The following TMIGD1 variants were observed in gnomAD, a reference collection of about 807,000 sequenced individuals.
TMIGD1 encodes the protein transmembrane and immunoglobulin domain-containing protein 1.
In TMIGD1, 29 loss-of-function variants were observed where a neutral mutation model predicts 27.5. The ratio of observed to expected loss-of-function variants is 1.05; its 90% CI spans 0.78 to 1.44. The LOEUF is 1.44. TMIGD1 is among the 40% of genes most tolerant of loss of function. The probability of loss-of-function intolerance (pLI) is 0.00; values close to 1 mark genes in which losing one functional copy is unlikely to be tolerated. For synonymous variants in TMIGD1, 109 were observed against 110.3 expected, an observed-to-expected ratio of 0.99 and a Z score of 0.07; for missense variants, 334 against 310.6, an observed-to-expected ratio of 1.08 and a Z score of -0.57.
At chr17:30,319,035 A>G in intron 4 of TMIGD1, 122 bp from the exon 5 acceptor site, 1 of 706,388 alleles carries the variant, frequency 1.4e-6, no homozygotes, top group Non-Finnish European at 2.5e-6. Flanking sequence ...CAACAATCTC[A>G]AAAAGTAGGT....
rs1237804442 is a variant in TMIGD1 at position 30,321,461 on chromosome 17, T to C, written c.641-2548A>G. The stretch of plus-strand genomic sequence containing the variant: ...AGGCATTTAAAGGAAATTGAGCATG[T>C]GCTATTTATCGCACAATTGAGTTTA... On this transcript the variant is annotated intron_variant, in intron 4 of 6. Transcript: ENST00000328886. Among the ~76,000 whole-genome samples the C allele has an allele frequency of 2.0e-5, 3 of 152,360 alleles. No homozygotes were observed. The Middle Eastern group carries it at 0.01, about 518-fold the overall frequency.
At position 30,317,172 on chromosome 17, in the gene TMIGD1, G is replaced by A. The variant is rs750837434; in HGVS notation, c.785+21C>T. On this transcript the variant is annotated intron_variant, in intron 6 of 6. Coordinates refer to ENST00000328886, the MANE Select transcript of TMIGD1 (RefSeq NM_206832.3). Reference sequence around the variant, plus strand: ...TCATCTGCTTATTTAAAAAGCACTGGTCCCGGCCTAGAGTACTTACAGAGC... The same window carrying A: ...TCATCTGCTTATTTAAAAAGCACTGATCCCGGCCTAGAGTACTTACAGAGC... 6.2e-6 allele frequency: 10 copies of A among 1,613,486 alleles called. No homozygotes were observed. The East Asian group carries it at 2.0e-4, about 32-fold the overall frequency.
intron 4 of TMIGD1, among the ~76,000 whole-genome samples, chr17:30,321,783 G>A (rs553130381): frequency 3.9e-5 from 6 of 152,108 alleles, no homozygotes; most frequent in Non-Finnish European, 8.8e-5. Context: ...ATGAAATAGG[G>A]TTTATCTCCC....
intron 5 of TMIGD1, among the ~76,000 whole-genome samples, chr17:30,318,545 T>G (rs1005765812): frequency 6.6e-6 from 1 of 152,162 alleles, no homozygotes; most frequent in Admixed American, 6.5e-5. Flanking sequence ...AGGAGGAAAA[T>G]CAGCCCCCAA....
chr17:30,329,921 AT>A (rs1413280786), intron 2 of TMIGD1, among the ~76,000 whole-genome samples: 2 of 123,410 alleles, frequency 1.6e-5, no homozygotes, highest in Non-Finnish European at 3.6e-5. Flanking sequence ...AAATAAAAAA[AT>A]AAAAAAAAAA....
chr17:30,324,159 A>C (rs1437012396), intron 4 of TMIGD1, among the ~76,000 whole-genome samples: 1 of 152,184 alleles, frequency 6.6e-6, no homozygotes. Context: ...TGCTAGCATG[A>C]GAGCAGACCA....
chr17:30,326,536 C>A (rs780529788), intron 3 of TMIGD1, among the ~76,000 whole-genome samples: 1 of 152,084 alleles, frequency 6.6e-6, no homozygotes, highest in Non-Finnish European at 1.5e-5. Flanking sequence ...CAGTAACTTG[C>A]ATGTTTTTGA....
At chr17:30,333,965 C>G (rs932863521) in intron 1 of TMIGD1, 35 bp downstream of exon 1, 6 of 152,390 alleles carry the variant, frequency 3.9e-5, no homozygotes, top group Non-Finnish European at 8.8e-5. Flanking sequence ...CTGTATGACT[C>G]TCTACTTTCT....
intron 3 of TMIGD1, among the ~76,000 whole-genome samples, chr17:30,327,742 AT>A (rs5819893): frequency 3.9e-4 from 57 of 146,262 alleles, no homozygotes; most frequent in Non-Finnish European, 4.4e-4. Context: ...AACACACCTT[AT>A]TTTTTTTTTT....
Position 30,329,234 on chromosome 17 carries a change from C to A in TMIGD1, c.361+17G>T, listed in dbSNP as rs1555601658. The A allele has an allele frequency of 1.9e-6, 3 of 1,609,296 alleles. No homozygotes were observed. The highest frequency in any genetic ancestry group is 2.2e-5 in the South Asian group (2 of 90,888). On this transcript the variant is annotated intron_variant, in intron 3 of 6. Coordinates refer to ENST00000328886, the MANE Select transcript of TMIGD1 (RefSeq NM_206832.3). ...GACATTACAGACCCACTAGCTGTTTCTTTTCCCCTCACTCACAAGTAACAT... is the reference window on the plus strand; with the variant it reads ...GACATTACAGACCCACTAGCTGTTTATTTTCCCCTCACTCACAAGTAACAT...
In TMIGD1 at chr17:30,316,530, G is replaced by A. The variant is rs776623386; in HGVS notation, c.*157C>T. ...CTCTTTCCATAAAAATGTTCCACAAGTGTATCAAATTAGTCCTAACAACTA... is the reference window on the plus strand; with the variant it reads ...CTCTTTCCATAAAAATGTTCCACAAATGTATCAAATTAGTCCTAACAACTA... On this transcript the variant is annotated 3_prime_UTR_variant, in exon 7 of 7. Coordinates refer to ENST00000328886, the MANE Select transcript of TMIGD1 (RefSeq NM_206832.3). 1.2e-5 allele frequency: 8 copies of A among 662,634 alleles called. No homozygotes were observed. The highest frequency in any genetic ancestry group is 2.2e-5 in the South Asian group (1 of 45,968). The allele number at this position is 662,634 out of a possible 1,614,324, so 41.0% of individuals were successfully genotyped here.
At chr17:30,331,929 C>T in intron 2 of TMIGD1, 123 bp downstream of exon 2, 1 of 667,012 alleles carries the variant, frequency 1.5e-6, no homozygotes, top group South Asian at 1.9e-5. Context: ...GTACTGTGAG[C>T]CATGCTAACT....
Position 30,318,907 on chromosome 17 carries a change from G to A in TMIGD1, c.647C>T (p.Thr216Ile). 3 of 1,609,936 alleles carry A rather than the reference G, an allele frequency of 1.9e-6. No homozygotes were observed. Among genetic ancestry groups the A allele is most frequent in the Non-Finnish European group, 2.6e-6 (3 of 1,176,314 alleles). The change falls in exon 5 of 7, where the codon ACT becomes ATT. Residue 216 changes from threonine (T) to isoleucine (I), a missense_variant. Transcript: ENST00000328886. Reference protein sequence around the residue: ...LDFHLIVKDKTVGVPIEPIIA... With the variant: ...LDFHLIVKDKIVGVPIEPIIA... ...AATGGGCTCTATTGGTACACCCACA[G>A]TTTTATCTGTAGGAAATGCAAACAC...
intron 3 of TMIGD1, among the ~76,000 whole-genome samples, chr17:30,326,117 C>G (rs902869752): frequency 1.3e-5 from 2 of 152,132 alleles, no homozygotes; most frequent in African/African-American, 4.8e-5. Flanking sequence ...TTTTGTTGCT[C>G]TTTGGAATGA....
At chr17:30,324,040 C>A (rs933892633) in intron 4 of TMIGD1, among the ~76,000 whole-genome samples, 1 of 152,206 alleles carries the variant, frequency 6.6e-6, no homozygotes, top group Non-Finnish European at 1.5e-5. Flanking sequence ...CAGCTGGCTT[C>A]CTGGTGACTG....
rs1264155014 is a variant in TMIGD1, at chr17:30,326,273, T to C, written c.362-1179A>G. Among the ~76,000 whole-genome samples the C allele has an allele frequency of 2.0e-5, 3 of 152,210 alleles. No homozygotes were observed. The East Asian group carries it at 5.8e-4, about 29-fold the overall frequency. ...AGTGATTTCTTTCTATTTAACTATT[T>C]GAAATTAATTTAAGCATATCAGTAT... On this transcript the variant is annotated intron_variant, in intron 3 of 6. Transcript: ENST00000328886.
intron 3 of TMIGD1, 139 bp downstream of exon 3, chr17:30,329,112 G>T: frequency 1.1e-6 from 1 of 937,094 alleles, no homozygotes; most frequent in Non-Finnish European, 1.6e-6. Context: ...ATGAGGGTGA[G>T]GGGAAATAGG....
intron 3 of TMIGD1, among the ~76,000 whole-genome samples, chr17:30,327,356 A>T (rs1347764943): frequency 6.6e-6 from 1 of 151,842 alleles, no homozygotes; most frequent in East Asian, 1.9e-4. Flanking sequence ...GGCAGAGGTT[A>T]TAGTGAGCTG....
intron 3 of TMIGD1, among the ~76,000 whole-genome samples, chr17:30,325,972 G>A (rs1909761808): frequency 6.6e-6 from 1 of 152,146 alleles, no homozygotes; most frequent in Non-Finnish European, 1.5e-5. Flanking sequence ...GAATAGTAAT[G>A]AAATGGTTGG....
Sources: allele counts gnomAD v4.1 joint callset (sites outside exome capture counted in the v4.1 genomes callset), GRCh38; gene constraint gnomAD v4.1.1; transcripts MANE v1.5; gene names NCBI Gene and HGNC (gene_info 2026-07-23, HGNC 2026-07-21).